Variants in CSMD1 observed in about 807,000 individuals in gnomAD.
The protein encoded by CSMD1 is CUB and sushi domain-containing protein 1.
In CSMD1, 213 loss-of-function variants were observed where a neutral mutation model predicts 417.5. The observed-to-expected ratio is 0.51, with a 90% CI of 0.46 to 0.57. The LOEUF is 0.57. CSMD1 is among the 20% of genes least tolerant of loss of function. The probability of loss-of-function intolerance (pLI) is 0.00; values close to 1 mark genes in which losing one functional copy is unlikely to be tolerated. For missense variants in CSMD1, 6,923 were observed against 4,529.7 expected, an observed-to-expected ratio of 1.53 and a Z score of -15.17; for synonymous variants, 2,862 against 1,736.8, an observed-to-expected ratio of 1.65 and a Z score of -16.11.
chr8:3,504,898 A>G (rs541851726), intron 10 of CSMD1, among the ~76,000 whole-genome samples: 1 of 152,358 alleles, frequency 6.6e-6, no homozygotes, highest in African/African-American at 2.4e-5. Flanking sequence ...TTTCTGAAGC[A>G]GAACCCGTCA....
At chr8:3,367,268 A>T in intron 19 of CSMD1, 21 bp from the exon 20 acceptor site, 1 of 1,205,162 alleles carries the variant, frequency 8.3e-7, no homozygotes. Context: ...AAGCCGGGGG[A>T]GAGAGAGAGA....
intron 23 of CSMD1, among the ~76,000 whole-genome samples, chr8:3,322,302 T>A (rs535888463): frequency 1.2e-4 from 18 of 152,322 alleles, no homozygotes; most frequent in African/African-American, 4.3e-4. Context: ...GCCATTTTAT[T>A]CCTTTAGGTC....
chr8:4,812,670 G>C (rs1798976263), intron 1 of CSMD1, among the ~76,000 whole-genome samples: 1 of 151,902 alleles, frequency 6.6e-6, no homozygotes, highest in Non-Finnish European at 1.5e-5. Flanking sequence ...CTATAATTTA[G>C]TCCATTAAGC....
At chr8:4,631,732 T>C (rs1802528735) in intron 2 of CSMD1, among the ~76,000 whole-genome samples, 1 of 152,216 alleles carries the variant, frequency 6.6e-6, no homozygotes, top group Non-Finnish European at 1.5e-5. Context: ...ATTCATGATT[T>C]TCTGATTTTA....
intron 7 of CSMD1, among the ~76,000 whole-genome samples, chr8:3,664,094 C>G (rs542821908): frequency 1.3e-5 from 2 of 152,132 alleles, no homozygotes; most frequent in Non-Finnish European, 2.9e-5. Flanking sequence ...ACGTTTGTTA[C>G]ATATGTACAC....
chr8:4,249,277 C>T (rs144852595), intron 3 of CSMD1, among the ~76,000 whole-genome samples: 65 of 152,236 alleles, frequency 4.3e-4, no homozygotes, highest in African/African-American at 1.2e-3. Context: ...TCTTTTACTT[C>T]TAAAGTTATG....
At chr8:4,812,833 T>C (rs899510713) in intron 1 of CSMD1, among the ~76,000 whole-genome samples, 2 of 152,216 alleles carry the variant, frequency 1.3e-5, no homozygotes, top group Non-Finnish European at 2.9e-5. Context: ...CCACTTTTCA[T>C]AGGGAATCTA....
chr8:3,488,869 G>C (rs775495924), intron 11 of CSMD1, among the ~76,000 whole-genome samples: 2 of 152,112 alleles, frequency 1.3e-5, no homozygotes, highest in East Asian at 3.9e-4. Context: ...TGTGATTCCA[G>C]AGTTTTAAGA....
rs763666366 is a variant in CSMD1 at position 2,998,214 on chromosome 8, A to T, written c.8204-30T>A. On this transcript the variant is annotated intron_variant, in intron 53 of 69. Coordinates refer to ENST00000635120, the MANE Select transcript of CSMD1 (RefSeq NM_033225.6). The stretch of plus-strand genomic sequence containing the variant: ...AGAGAGACAGGTCAACGTCATTGTT[A>T]AATATTGAACAGGTCATCACTTTCC... The T allele has an allele frequency of 2.5e-6, 4 of 1,608,914 alleles. No homozygotes were observed. The African/African-American group carries it at 5.3e-5, about 22-fold the overall frequency.
intron 10 of CSMD1, among the ~76,000 whole-genome samples, chr8:3,510,916 G>C (rs779904692): frequency 1.8e-4 from 27 of 151,826 alleles, no homozygotes; most frequent in Non-Finnish European, 3.4e-4. Context: ...CCCTTCGTCA[G>C]AGATACATGC....
At chr8:3,598,038 C>A (rs1175636697) in intron 8 of CSMD1, among the ~76,000 whole-genome samples, 1 of 152,128 alleles carries the variant, frequency 6.6e-6, no homozygotes, top group Non-Finnish European at 1.5e-5. Context: ...CTACTTCAGC[C>A]CAATAAAACA....
chr8:3,359,439 A>C (rs1809010632), intron 20 of CSMD1, 99 bp from the exon 21 acceptor site: 2 of 924,120 alleles, frequency 2.2e-6, no homozygotes, highest in Middle Eastern at 2.5e-4. Context: ...AAAAAAAAAA[A>C]AAAACCTACA....
intron 3 of CSMD1, among the ~76,000 whole-genome samples, chr8:4,212,973 C>T (rs3849840): frequency 0.87 from 132,146 of 151,914 alleles, 57,588 homozygotes; most frequent in South Asian, 0.93. Flanking sequence ...TAACACCTAG[C>T]GTTGGCTTCC....
intron 1 of CSMD1, among the ~76,000 whole-genome samples, chr8:4,704,043 A>G (rs114039772): frequency 0.011 from 1,641 of 152,294 alleles, 29 homozygotes; most frequent in African/African-American, 0.036. Context: ...TCAGGCAGTA[A>G]TGCTGGTTCC....
At chr8:4,586,048 C>G (rs920282281) in intron 2 of CSMD1, among the ~76,000 whole-genome samples, 2 of 152,086 alleles carry the variant, frequency 1.3e-5, no homozygotes, top group Non-Finnish European at 2.9e-5. Flanking sequence ...AATGGTTGTA[C>G]GTATACATGG....
At chr8:3,913,569 GGTCA>G (rs1214165984) in intron 5 of CSMD1, among the ~76,000 whole-genome samples, 18 of 152,156 alleles carry the variant, frequency 1.2e-4, no homozygotes, top group Non-Finnish European at 2.2e-4. Flanking sequence ...CAAAGAATAC[GGTCA>G]GTGAGTTCCA....
At chr8:4,976,657 C>T (rs1019531647) in intron 1 of CSMD1, among the ~76,000 whole-genome samples, 2 of 152,134 alleles carry the variant, frequency 1.3e-5, no homozygotes, top group African/African-American at 4.8e-5. Flanking sequence ...CTCGTCCACC[C>T]TAAATAGGAT....
intron 5 of CSMD1, among the ~76,000 whole-genome samples, chr8:3,777,654 G>A (rs1292799948): frequency 2.0e-5 from 3 of 152,180 alleles, no homozygotes; most frequent in Non-Finnish European, 2.9e-5. Flanking sequence ...CTCCTCCAAG[G>A]AGCCTCCTTG....
In CSMD1 at chr8:3,308,446, C is replaced by T. The variant is rs370069615; in HGVS notation, c.3689G>A (p.Arg1230His). The change falls in exon 24 of 70, where the codon CGT (arginine) becomes CAT (histidine). Residue 1230 changes from arginine to histidine, a missense_variant. Transcript: ENST00000635120. ...PGIPNYGYRIRDEGHFTDTVV... is the reference protein window; with the variant it reads ...PGIPNYGYRIHDEGHFTDTVV... ...AGTGTCGGTAAAGTGGCCTTCATCA[C>T]GGATCCTATAGCCGTAGTTAGGGAT... 167 of 1,613,788 alleles carry T rather than the reference C, an allele frequency of 1.0e-4. No homozygotes were observed. Among genetic ancestry groups the T allele is most frequent in the African/African-American group, 3.7e-4 (28 of 75,046 alleles).
Sources: allele counts gnomAD v4.1 joint callset (sites outside exome capture counted in the v4.1 genomes callset), GRCh38; gene constraint gnomAD v4.1.1; transcripts MANE v1.5; gene names NCBI Gene and HGNC (gene_info 2026-07-23, HGNC 2026-07-21).